Variants in HTR2C observed in about 807,000 individuals in gnomAD.
HTR2C encodes 5-hydroxytryptamine (serotonin) receptor 2C, G protein-coupled.
In HTR2C, 5 loss-of-function variants were observed where a neutral mutation model predicts 21.0. That is an observed-to-expected ratio of 0.24 (90% confidence interval 0.12 to 0.50). The LOEUF (loss-of-function observed/expected upper bound fraction) is 0.50, where lower values mean the gene tolerates loss of function less well. Among genes scored for constraint, HTR2C ranks in the 20% least tolerant of loss-of-function variants. The pLI, the probability that HTR2C is intolerant of heterozygous loss-of-function variation, is 0.98. For missense variants in HTR2C, 271 were observed against 371.2 expected (o/e 0.73, Z 2.22); for synonymous variants, 150 against 145.3 (o/e 1.03, Z -0.23).
chrX:114,816,266 T>TGATAGATAGATAGATA (rs10526392), intron 4 of HTR2C, among the ~76,000 whole-genome samples: 3,908 of 102,881 alleles, frequency 0.038, 79 homozygotes, highest in African/African-American at 0.062. Context: ...GATAGATAGA[T>TGATAGATAGATAGATA]GATAGATAGA....
intron 4 of HTR2C, among the ~76,000 whole-genome samples, chrX:114,793,343 G>A (rs1556444189): frequency 9.0e-6 from 1 of 111,271 alleles, no homozygotes; most frequent in Non-Finnish European, 1.9e-5. Flanking sequence ...TAAGAGTGAG[G>A]CTCCTTGGAG....
intron 4 of HTR2C, among the ~76,000 whole-genome samples, chrX:114,765,002 TTC>T (rs2069932651): frequency 9.5e-6 from 1 of 105,757 alleles, no homozygotes; most frequent in African/African-American, 3.4e-5. Context: ...CCTTCCGTCC[TTC>T]TCTCTCTCTT....
chrX:114,902,309 T>C (rs1354759221), intron 5 of HTR2C, among the ~76,000 whole-genome samples: 5 of 111,604 alleles, frequency 4.5e-5, no homozygotes, highest in Admixed American at 9.6e-5. Flanking sequence ...AATAACTTAA[T>C]GCATTAACAT....
intron 5 of HTR2C, among the ~76,000 whole-genome samples, chrX:114,871,345 G>T (rs1186815282): frequency 8.9e-6 from 1 of 111,883 alleles, no homozygotes; most frequent in Non-Finnish European, 1.9e-5. Flanking sequence ...ACTAAAATAT[G>T]CACTGTCCTT....
chrX:114,822,154 A>C (rs937671130), intron 4 of HTR2C, among the ~76,000 whole-genome samples: 3 of 111,706 alleles, frequency 2.7e-5, no homozygotes, highest in Non-Finnish European at 5.6e-5. Context: ...GCAAGATTAA[A>C]TATACTTTTA....
intron 5 of HTR2C, among the ~76,000 whole-genome samples, chrX:114,899,544 G>A (rs2071321862): frequency 9.0e-6 from 1 of 111,096 alleles, no homozygotes; most frequent in African/African-American, 3.3e-5. Flanking sequence ...CTGATCTGTG[G>A]GTTGCAAAGA....
At chrX:114,671,707 A>G (rs1931384943) in intron 2 of HTR2C, among the ~76,000 whole-genome samples, 1 of 112,056 alleles carries the variant, frequency 8.9e-6, no homozygotes, top group African/African-American at 3.2e-5. Context: ...TTCTTTTACC[A>G]TTAGCATTAT....
chrX:114,691,795 A>G (rs1340496599), intron 2 of HTR2C, among the ~76,000 whole-genome samples: 1 of 111,664 alleles, frequency 9.0e-6, no homozygotes, highest in Non-Finnish European at 1.9e-5. Context: ...TCTTCATAAA[A>G]TGTGTTCATC....
chrX:114,744,251 G>T (rs190425730), intron 4 of HTR2C, among the ~76,000 whole-genome samples: 104 of 109,390 alleles, frequency 9.5e-4, no homozygotes, highest in African/African-American at 3.3e-3. Flanking sequence ...CTTAGAGGAA[G>T]ATTTATGGCA....
rs182812441 is a variant in HTR2C, at chrX:114,637,884, G to T, written c.-80+24003G>T. ...TGCAATTGAAAAAAAAGCAAAATTC[G>T]CTAAGGGAGAGTGAGTGTAAACCTA... On this transcript the variant is annotated intron_variant, in intron 2 of 5. Transcript: ENST00000276198. Among the ~76,000 whole-genome samples, 145 of 111,462 alleles carry T rather than the reference G, an allele frequency of 1.3e-3. 2 individuals carry two copies. The South Asian group carries it at 0.016, about 12-fold the overall frequency.
intron 4 of HTR2C, among the ~76,000 whole-genome samples, chrX:114,793,183 T>C (rs1442214158): frequency 2.7e-5 from 3 of 111,389 alleles, no homozygotes; most frequent in Admixed American, 9.6e-5. Flanking sequence ...GAATTCATCA[T>C]AAAATTTTTG....
At chrX:114,703,167 C>A (rs782179904) in intron 2 of HTR2C, among the ~76,000 whole-genome samples, 3 of 107,830 alleles carry the variant, frequency 2.8e-5, no homozygotes, top group South Asian at 4.3e-4. Context: ...AGAAAGTTAA[C>A]AAGGATACCC....
At chrX:114,682,446 A>G (rs1284817537) in intron 2 of HTR2C, among the ~76,000 whole-genome samples, 1 of 111,559 alleles carries the variant, frequency 9.0e-6, no homozygotes, top group Non-Finnish European at 1.9e-5. Context: ...ATTAAAATTC[A>G]AATTTCTACA....
At chrX:114,630,686 G>T in intron 2 of HTR2C, 1 of 151,615 alleles carries the variant, frequency 6.6e-6, no homozygotes, top group Non-Finnish European at 1.4e-5. Context: ...TCACCATGTT[G>T]AGTGAATGAA....
intron 2 of HTR2C, among the ~76,000 whole-genome samples, chrX:114,618,171 ACTAT>A (rs1279344054): frequency 8.9e-6 from 1 of 112,277 alleles, no homozygotes; most frequent in Non-Finnish European, 1.9e-5. Context: ...AACTGTTAAA[ACTAT>A]CTGCCACACA....
rs781994425 is a variant in HTR2C at position 114,753,726 on chromosome X, G to A, written c.349+22119G>A. ...GGTCTAAACATAATAAAATATGTGC[G>A]GAATTTATAGTTAACATTACAAAAT... is the stretch of plus-strand genomic sequence containing the variant. On this transcript the variant is annotated intron_variant, in intron 4 of 5. Transcript: ENST00000276198. Among the ~76,000 whole-genome samples, 67 of 111,590 alleles carry A rather than the reference G, an allele frequency of 6.0e-4. 1 individual carries two copies. The highest frequency in any genetic ancestry group is 1.8e-3 in the African/African-American group (57 of 30,821).
chrX:114,792,116 A>AT (rs1202255121), intron 4 of HTR2C, among the ~76,000 whole-genome samples: 2 of 111,696 alleles, frequency 1.8e-5, no homozygotes, highest in Non-Finnish European at 3.8e-5. Context: ...TTTTATTTTA[A>AT]TTTTTTTATT....
At chrX:114,814,909 TA>T (rs1556453969) in intron 4 of HTR2C, among the ~76,000 whole-genome samples, 1 of 102,770 alleles carries the variant, frequency 9.7e-6, no homozygotes, top group Non-Finnish European at 2.0e-5. Context: ...TTATATAGTA[TA>T]TATCATATAG....
At chrX:114,699,514 C>T (rs1232150086) in intron 2 of HTR2C, among the ~76,000 whole-genome samples, 3 of 112,124 alleles carry the variant, frequency 2.7e-5, no homozygotes, top group African/African-American at 9.7e-5. Context: ...GCACCTAGCA[C>T]AATGCCTGAC....
Sources: allele counts gnomAD v4.1 joint callset (sites outside exome capture counted in the v4.1 genomes callset), GRCh38; gene constraint gnomAD v4.1.1; transcripts MANE v1.5; gene names NCBI Gene and HGNC (gene_info 2026-07-23, HGNC 2026-07-21).